The following LRRC4C variants were observed in gnomAD, a reference collection of about 807,000 sequenced individuals.
LRRC4C encodes the protein leucine rich repeat containing 4C.
LRRC4C carries 5 observed loss-of-function variants against 33.6 expected under a neutral mutation model. The observed-to-expected ratio is 0.15, with a 90% CI of 0.08 to 0.31. The LOEUF (loss-of-function observed/expected upper bound fraction) is 0.31. Among genes scored for constraint, LRRC4C ranks in the 10% least tolerant of loss-of-function variants. The pLI is 1.00. For missense variants in LRRC4C, 560 were observed against 796.7 expected (o/e 0.70, Z 3.58); for synonymous variants, 329 against 302.0 (o/e 1.09, Z -0.93).
At chr11:40,135,586 G>A (rs188283461) in intron 6 of LRRC4C, among the ~76,000 whole-genome samples, 2 of 152,306 alleles carry the variant, frequency 1.3e-5, no homozygotes, top group African/African-American at 4.8e-5. Context: ...AAGTAGGGAA[G>A]CCTGTGCATG....
intron 1 of LRRC4C, among the ~76,000 whole-genome samples, chr11:41,099,403 T>C (rs1431791392): frequency 6.7e-6 from 1 of 149,774 alleles, no homozygotes; most frequent in African/African-American, 2.5e-5. Context: ...AAAAAAAAAC[T>C]TCAGACCAAT....
chr11:40,148,143 C>T (rs1258637580), intron 5 of LRRC4C, among the ~76,000 whole-genome samples: 1 of 152,096 alleles, frequency 6.6e-6, no homozygotes, highest in East Asian at 1.9e-4. Flanking sequence ...AGGTTGATTC[C>T]ATGTCTTTGC....
At chr11:41,043,460 C>T (rs1857572480) in intron 1 of LRRC4C, among the ~76,000 whole-genome samples, 1 of 152,096 alleles carries the variant, frequency 6.6e-6, no homozygotes, top group Admixed American at 6.6e-5. Flanking sequence ...TTGTTCAAAT[C>T]TGCTATAAAA....
At chr11:41,165,007 T>A (rs1046643597) in intron 1 of LRRC4C, among the ~76,000 whole-genome samples, 4 of 152,126 alleles carry the variant, frequency 2.6e-5, no homozygotes, top group African/African-American at 9.7e-5. Context: ...TTATCTCAAG[T>A]AGCAGCGCAA....
At chr11:40,348,530 T>G (rs553136225) in intron 3 of LRRC4C, among the ~76,000 whole-genome samples, 6 of 152,254 alleles carry the variant, frequency 3.9e-5, no homozygotes, top group African/African-American at 1.4e-4. Flanking sequence ...ACTCCACTAT[T>G]GCTGTCACTC....
intron 2 of LRRC4C, among the ~76,000 whole-genome samples, chr11:40,770,902 C>A (rs1382325149): frequency 1.3e-5 from 2 of 151,942 alleles, no homozygotes; most frequent in South Asian, 2.1e-4. Context: ...AGGTTACAAC[C>A]CCCCCTCCCA....
intron 4 of LRRC4C, among the ~76,000 whole-genome samples, chr11:40,245,281 A>C (rs1866240177): frequency 6.6e-6 from 1 of 152,108 alleles, no homozygotes; most frequent in Admixed American, 6.5e-5. Flanking sequence ...AAACTCTCTT[A>C]GATTTTACTC....
At chr11:40,494,648 A>C (rs1160179573) in intron 3 of LRRC4C, among the ~76,000 whole-genome samples, 1 of 152,160 alleles carries the variant, frequency 6.6e-6, no homozygotes, top group East Asian at 1.9e-4. Flanking sequence ...TAGACATAAT[A>C]AGTGGTAAAT....
At chr11:40,294,172 C>T (rs548080710) in intron 4 of LRRC4C, 1 of 152,218 alleles carries the variant, frequency 6.6e-6, no homozygotes, top group South Asian at 2.1e-4. Context: ...TACCCAATTA[C>T]CTCCCATCAT....
chr11:40,504,374 G>T (rs1443030319), intron 3 of LRRC4C, among the ~76,000 whole-genome samples: 1 of 152,178 alleles, frequency 6.6e-6, no homozygotes, highest in South Asian at 2.1e-4. Context: ...TGCCATGGAG[G>T]ATATTCTGAT....
intron 1 of LRRC4C, among the ~76,000 whole-genome samples, chr11:40,964,599 T>A (rs190977832): frequency 6.8e-6 from 1 of 147,962 alleles, no homozygotes; most frequent in Non-Finnish European, 1.5e-5. Flanking sequence ...CAATTCCCAC[T>A]TATGAGTGAG....
intron 3 of LRRC4C, among the ~76,000 whole-genome samples, chr11:40,361,944 C>A (rs755295779): frequency 1.3e-5 from 2 of 152,004 alleles, no homozygotes; most frequent in Non-Finnish European, 2.9e-5. Flanking sequence ...AATAGAGAAC[C>A]CAGAAATAAG....
At chr11:40,373,402 CA>C (rs1482499489) in intron 3 of LRRC4C, among the ~76,000 whole-genome samples, 5 of 151,990 alleles carry the variant, frequency 3.3e-5, no homozygotes, top group African/African-American at 1.2e-4. Context: ...TGAGAGAAGA[CA>C]TTTGCAATAC....
At chr11:40,153,718 G>T (rs1006883165) in intron 5 of LRRC4C, among the ~76,000 whole-genome samples, 1 of 151,930 alleles carries the variant, frequency 6.6e-6, no homozygotes, top group African/African-American at 2.4e-5. Context: ...CAATGTCTTC[G>T]AATTAACCCA....
At chr11:41,050,677 T>A (rs1440053310) in intron 1 of LRRC4C, among the ~76,000 whole-genome samples, 1 of 152,212 alleles carries the variant, frequency 6.6e-6, no homozygotes, top group African/African-American at 2.4e-5. Context: ...CACATTTTTT[T>A]ATCCAGTCTA....
intron 1 of LRRC4C, among the ~76,000 whole-genome samples, chr11:41,372,785 CAAAAAAAAA>C (rs33945657): frequency 8.5e-6 from 1 of 118,072 alleles, no homozygotes. Context: ...AAGAGGGCAC[CAAAAAAAAA>C]AAAAAAAAAG....
chr11:41,243,090 C>G (rs188948148), intron 1 of LRRC4C, among the ~76,000 whole-genome samples: 38 of 152,286 alleles, frequency 2.5e-4, no homozygotes, highest in Non-Finnish European at 4.1e-4. Flanking sequence ...AAGTTTATGT[C>G]AAATCCCTCT....
At chr11:41,177,564 A>G (rs76859774) in intron 1 of LRRC4C, among the ~76,000 whole-genome samples, 1 of 152,144 alleles carries the variant, frequency 6.6e-6, no homozygotes, top group African/African-American at 2.4e-5. Context: ...TCAACCCTGG[A>G]TGACTATCTT....
At chr11:40,284,827 C>T (rs137964417) in intron 4 of LRRC4C, among the ~76,000 whole-genome samples, 2 of 152,174 alleles carry the variant, frequency 1.3e-5, no homozygotes, top group African/African-American at 4.8e-5. Flanking sequence ...CAGCACAGTG[C>T]CTGGTGCATA....
Sources: gnomAD v4.1 joint callset for allele counts (sites outside exome capture counted in the v4.1 genomes callset) on GRCh38, gnomAD v4.1.1 for gene constraint, MANE v1.5 for transcripts, NCBI Gene and HGNC (gene_info 2026-07-23, HGNC 2026-07-21) for gene names.